The following TAFA1 variants were observed in gnomAD, a reference collection of about 807,000 sequenced individuals.
The protein encoded by TAFA1 is chemokine-like protein TAFA-1.
A neutral mutation model predicts 18.5 loss-of-function variants in TAFA1; 4 were observed. That is an observed-to-expected ratio of 0.22 (90% CI 0.11 to 0.49). The LOEUF (loss-of-function observed/expected upper bound fraction) is 0.49. TAFA1 is among the 20% of genes least tolerant of loss of function. TAFA1 has a pLI of 0.98. For missense variants in TAFA1, 147 were observed against 169.0 expected (o/e 0.87, Z 0.72); for synonymous variants, 56 against 55.2 (o/e 1.01, Z -0.06).
At chr3:68,354,677 C>T (rs1206288905) in intron 2 of TAFA1, among the ~76,000 whole-genome samples, 7 of 151,980 alleles carry the variant, frequency 4.6e-5, no homozygotes, top group South Asian at 2.1e-4. Flanking sequence ...TTATTTCTCA[C>T]AGTACTGGAG....
At chr3:68,501,646 G>T (rs1351663738) in intron 3 of TAFA1, among the ~76,000 whole-genome samples, 1 of 152,160 alleles carries the variant, frequency 6.6e-6, no homozygotes, top group Non-Finnish European at 1.5e-5. Context: ...CAGGTAAGTT[G>T]CAGAGAGTTG....
At chr3:68,385,755 C>T (rs1559645268) in intron 2 of TAFA1, among the ~76,000 whole-genome samples, 3 of 151,894 alleles carry the variant, frequency 2.0e-5, no homozygotes, top group Non-Finnish European at 4.4e-5. Flanking sequence ...TACTGGAACA[C>T]AGTCACACTT....
chr3:68,494,519 T>C (rs1178870096), intron 3 of TAFA1, among the ~76,000 whole-genome samples: 1 of 152,124 alleles, frequency 6.6e-6, no homozygotes, highest in African/African-American at 2.4e-5. Context: ...GGCCTGAAAG[T>C]TCTAGATCTT....
At chr3:68,163,408 G>C (rs1271610428) in intron 2 of TAFA1, among the ~76,000 whole-genome samples, 1 of 152,152 alleles carries the variant, frequency 6.6e-6, no homozygotes, top group African/African-American at 2.4e-5. Flanking sequence ...ACATTAAACT[G>C]ATTTTAGTGT....
chr3:68,217,643 A>G (rs2066675871), intron 2 of TAFA1, among the ~76,000 whole-genome samples: 1 of 152,126 alleles, frequency 6.6e-6, no homozygotes, highest in Non-Finnish European at 1.5e-5. Context: ...GACATTAATA[A>G]TAGAGGAAAC....
chr3:68,013,830 G>C (rs182830963), intron 2 of TAFA1, among the ~76,000 whole-genome samples: 1 of 152,052 alleles, frequency 6.6e-6, no homozygotes, highest in Non-Finnish European at 1.5e-5. Flanking sequence ...AAAAAGAAAA[G>C]AAAAATGATA....
chr3:68,108,370 A>G (rs892779539), intron 2 of TAFA1, among the ~76,000 whole-genome samples: 6 of 152,138 alleles, frequency 3.9e-5, no homozygotes, highest in African/African-American at 1.4e-4. Flanking sequence ...TACATGAAGT[A>G]ACTTTTCTCT....
chr3:68,377,968 C>T (rs1276663919), intron 2 of TAFA1, among the ~76,000 whole-genome samples: 1 of 152,186 alleles, frequency 6.6e-6, no homozygotes, highest in Non-Finnish European at 1.5e-5. Context: ...GGTTTGGGAT[C>T]CTCTGCCTAA....
chr3:68,439,408 CATACATAT>C (rs2071326508), intron 3 of TAFA1, among the ~76,000 whole-genome samples: 2 of 28,236 alleles, frequency 7.1e-5, no homozygotes, highest in South Asian at 1.5e-3. Flanking sequence ...AATATATATA[CATACATAT>C]ATATATATAT....
chr3:68,075,595 C>A (rs1470604568), intron 2 of TAFA1, among the ~76,000 whole-genome samples: 2 of 151,962 alleles, frequency 1.3e-5, no homozygotes, highest in Non-Finnish European at 2.9e-5. Flanking sequence ...AACTTTCTAA[C>A]TTAGAATTTC....
chr3:68,337,750 T>C (rs1293930599), intron 2 of TAFA1, among the ~76,000 whole-genome samples: 1 of 152,168 alleles, frequency 6.6e-6, no homozygotes, highest in Non-Finnish European at 1.5e-5. Context: ...CTTGAAACGG[T>C]ATCAGGAAGA....
In TAFA1 at chr3:68,097,091, G is replaced by T. The variant is rs77199317; in HGVS notation, c.118+90347G>T. 1.5e-3 allele frequency among the ~76,000 whole-genome samples: 225 copies of T among 152,154 alleles called. 5 individuals are homozygous for T. The East Asian group carries it at 0.031, about 21-fold the overall frequency. On this transcript the variant is annotated intron_variant, in intron 2 of 4. Transcript: ENST00000478136. ...GCTCTGGGATGATTCCTAAGCAAAA[G>T]AATTGTCTTTTGTCACTGTAGATGC...
chr3:68,072,975 T>C (rs958229152), intron 2 of TAFA1, among the ~76,000 whole-genome samples: 3 of 152,192 alleles, frequency 2.0e-5, no homozygotes, highest in Admixed American at 6.5e-5. Flanking sequence ...AGAACTCCAA[T>C]GAAATTTACC....
At chr3:68,205,740 A>G (rs2107052868) in intron 2 of TAFA1, among the ~76,000 whole-genome samples, 1 of 152,028 alleles carries the variant, frequency 6.6e-6, no homozygotes, top group East Asian at 2.0e-4. Flanking sequence ...CAACATTGTC[A>G]TTCACCTAAG....
upstream of TAFA1, among the ~76,000 whole-genome samples, chr3:68,002,901 C>A (rs1167722323): frequency 6.6e-6 from 1 of 152,166 alleles, no homozygotes; most frequent in Non-Finnish European, 1.5e-5. Flanking sequence ...ACAAGACATA[C>A]TATAGAATGT....
In TAFA1 at chr3:68,273,022, T is replaced by G. The variant is rs555828456; in HGVS notation, c.119-144258T>G. ...GGAGTTGTATTTTAATTGGTGGTGG[T>G]GGGGGGGAATAAAAATAAGTAACCC... is the stretch of plus-strand genomic sequence containing the variant. On this transcript the variant is annotated intron_variant, in intron 2 of 4. Transcript: ENST00000478136. Among the ~76,000 whole-genome samples, 41 of 151,878 alleles carry G rather than the reference T, an allele frequency of 2.7e-4. No individual in the cohort carries two copies. The South Asian group carries it at 3.8e-3, about 14-fold the overall frequency.
At chr3:68,101,181 A>G (rs9850969) in intron 2 of TAFA1, among the ~76,000 whole-genome samples, 137,776 of 152,048 alleles carry the variant, frequency 0.91, 62,612 homozygotes, top group South Asian at 0.95. Flanking sequence ...CCTCTGATAC[A>G]GACCCCTATT....
Position 68,051,339 on chromosome 3 carries a change from G to C in TAFA1, c.118+44595G>C, listed in dbSNP as rs185292562. ...GAATAGTTCTTAAGATTCTTACTAA[G>C]AATCAGATCTGGCAGAGATATTTAC... On this transcript the variant is annotated intron_variant, in intron 2 of 4. Transcript: ENST00000478136. Among the ~76,000 whole-genome samples the C allele has an allele frequency of 7.3e-4, 111 of 152,204 alleles. 1 individual carries two copies. The highest frequency in any genetic ancestry group is 2.6e-3 in the African/African-American group (109 of 41,530).
intron 2 of TAFA1, among the ~76,000 whole-genome samples, chr3:68,192,023 G>GT (rs2066347847): frequency 6.6e-6 from 1 of 151,614 alleles, no homozygotes; most frequent in Admixed American, 6.6e-5. Context: ...TTTTGCTTTG[G>GT]TTTCCCTTTC....
Sources: gnomAD v4.1 joint callset for allele counts (sites outside exome capture counted in the v4.1 genomes callset) on GRCh38, gnomAD v4.1.1 for gene constraint, MANE v1.5 for transcripts, NCBI Gene and HGNC (gene_info 2026-07-23, HGNC 2026-07-21) for gene names.